The following CSMD3 variants were observed in gnomAD, a reference collection of about 807,000 sequenced individuals.
CSMD3 encodes the protein CUB and sushi domain-containing protein 3.
A neutral mutation model predicts 435.2 loss-of-function variants in CSMD3; 177 were observed. The ratio of observed to expected loss-of-function variants is 0.41; its 90% CI spans 0.36 to 0.46. CSMD3 has a LOEUF of 0.46. Ranked by LOEUF, CSMD3 falls within the 20% of genes least tolerant of loss-of-function variation. CSMD3 has a pLI of 0.34. For missense variants in CSMD3, 4,265 were observed against 4,504.6 expected (o/e 0.95, Z 1.52); for synonymous variants, 1,656 against 1,520.5 (o/e 1.09, Z -2.07).
chr8:113,057,075 C>G lies in CSMD3; in HGVS notation c.918-37896G>C, dbSNP rs369877406. Among the ~76,000 whole-genome samples the G allele has an allele frequency of 1.4e-4, 22 of 152,246 alleles. 1 individual carries two copies. The South Asian group carries it at 2.1e-3, about 14-fold the overall frequency. On this transcript the variant is annotated intron_variant, in intron 5 of 70. Transcript: ENST00000297405. ...CTTGGAATGCCTTTCCTCAAAATGG[C>G]TCTTTGGATAGCTAATTTTTCAGTT...
At chr8:113,340,618 T>C (rs189639503) in intron 1 of CSMD3, among the ~76,000 whole-genome samples, 28 of 152,266 alleles carry the variant, frequency 1.8e-4, no homozygotes, top group African/African-American at 6.5e-4. Flanking sequence ...TGCACACTTG[T>C]AATCCCAGCA....
In CSMD3 at chr8:112,636,876, T is replaced by C. The variant is rs781491893; in HGVS notation, c.3656A>G (p.Glu1219Gly). ...SSGYRLEGTSEIICLGGGRRV... is the reference protein window; with the variant it reads ...SSGYRLEGTSGIICLGGGRRV... ...TCGGCCACCACCAAGACAGATGATC[T>C]CTGATGTTCCTTCCAGTCGATAACC... Residue 1219 changes from glutamate (E) to glycine (G), a missense_variant, in exon 22 of 71, where the codon GAG (glutamate) becomes GGG (glycine). Around this residue, in one of 3 missense-constraint regions of CSMD3, gnomAD observed 3,255 missense variants for 3,380.2 expected, o/e 0.96. Coordinates refer to ENST00000297405, the MANE Select transcript of CSMD3 (RefSeq NM_198123.2). 41 of 1,613,184 alleles carry C rather than the reference T, an allele frequency of 2.5e-5. No homozygotes were observed. The highest frequency in any genetic ancestry group is 3.5e-5 in the Non-Finnish European group (41 of 1,179,744).
Position 112,472,679 on chromosome 8 carries a change from T to C in CSMD3, c.5307A>G (p.Ser1769=), listed in dbSNP as rs769547077. 19 of 1,610,488 alleles carry C rather than the reference T, an allele frequency of 1.2e-5. No individual in the cohort carries two copies. Among genetic ancestry groups the C allele is most frequent in the Non-Finnish European group, 1.4e-5 (17 of 1,176,908 alleles). Residue 1769 remains serine, a synonymous_variant, in exon 32 of 71, where the codon TCA becomes TCG. Coordinates refer to ENST00000297405, the MANE Select transcript of CSMD3 (RefSeq NM_198123.2). ...AGTTTGGTGATAGAACAGTGCCTTC[T>C]GAACCTGTTGAACGACTTCCACAGG... is the stretch of plus-strand genomic sequence containing the variant. ...HAPCGSRSTG[S]EGTVLSPNYP...
chr8:112,329,455 C>A (rs1823829175), intron 45 of CSMD3, among the ~76,000 whole-genome samples: 1 of 152,072 alleles, frequency 6.6e-6, no homozygotes, highest in Non-Finnish European at 1.5e-5. Context: ...ACTAAGATAT[C>A]CAATCATAAA....
At position 112,770,308 on chromosome 8, in the gene CSMD3, TG is replaced by T. The variant is rs1302274326; in HGVS notation, c.1972+29853del. Among the ~76,000 whole-genome samples, 8 of 151,978 alleles carry T rather than the reference TG, an allele frequency of 5.3e-5. No homozygotes were observed. The East Asian group carries it at 1.6e-3, about 30-fold the overall frequency. On this transcript the variant is annotated intron_variant, in intron 13 of 70. Transcript: ENST00000297405. ...TGCCTGTGTAAAAAAGCTCATGAAGTGGGCTCTTTTTCTTGACCCTTCCACC... is the reference window on the plus strand; with the variant it reads ...TGCCTGTGTAAAAAAGCTCATGAAGTGGCTCTTTTTCTTGACCCTTCCACC...
chr8:112,831,609 T>C (rs1259688529), intron 11 of CSMD3, among the ~76,000 whole-genome samples: 1 of 152,040 alleles, frequency 6.6e-6, no homozygotes, highest in Non-Finnish European at 1.5e-5. Context: ...CATATCTTTT[T>C]ATATGTTTAT....
intron 11 of CSMD3, among the ~76,000 whole-genome samples, chr8:112,836,783 G>A (rs559026394): frequency 6.6e-6 from 1 of 151,674 alleles, no homozygotes; most frequent in Non-Finnish European, 1.5e-5. Flanking sequence ...TAAGTCATTC[G>A]ATTTGAGGTT....
At chr8:112,598,954 C>A (rs1192977397) in intron 22 of CSMD3, among the ~76,000 whole-genome samples, 1 of 151,140 alleles carries the variant, frequency 6.6e-6, no homozygotes, top group African/African-American at 2.4e-5. Context: ...AGGACATAGG[C>A]ATGGGCAAGG....
chr8:112,409,700 G>A (rs1325760345), intron 32 of CSMD3, among the ~76,000 whole-genome samples: 1 of 151,900 alleles, frequency 6.6e-6, no homozygotes, highest in Non-Finnish European at 1.5e-5. Flanking sequence ...CAGTTCTGAA[G>A]TACATACCAA....
intron 3 of CSMD3, among the ~76,000 whole-genome samples, chr8:113,225,778 G>T (rs2093020676): frequency 6.6e-6 from 1 of 151,442 alleles, no homozygotes; most frequent in African/African-American, 2.4e-5. Context: ...AGTCTCCAGA[G>T]AATTTCTTTC....
At chr8:112,456,236 C>T (rs1018035391) in intron 32 of CSMD3, among the ~76,000 whole-genome samples, 3 of 151,978 alleles carry the variant, frequency 2.0e-5, no homozygotes, top group African/African-American at 7.3e-5. Flanking sequence ...GAATGTGGAC[C>T]TTATTTTTCA....
intron 3 of CSMD3, among the ~76,000 whole-genome samples, chr8:113,242,380 T>A (rs941554482): frequency 2.0e-5 from 3 of 151,994 alleles, no homozygotes; most frequent in Admixed American, 2.0e-4. Context: ...TATTGCAACC[T>A]AATAGGTCAA....
chr8:112,575,846 A>G (rs1829897946), intron 23 of CSMD3, among the ~76,000 whole-genome samples: 3 of 152,126 alleles, frequency 2.0e-5, no homozygotes, highest in Admixed American at 2.0e-4. Context: ...ATGCTTCTGA[A>G]TACATTCATT....
chr8:112,964,004 G>T (rs899571251), intron 7 of CSMD3, among the ~76,000 whole-genome samples: 5 of 151,526 alleles, frequency 3.3e-5, no homozygotes, highest in Non-Finnish European at 7.4e-5. Flanking sequence ...TTTTCTTCTT[G>T]CAAATGATCC....
chr8:112,923,082 G>A (rs933987476), intron 9 of CSMD3, among the ~76,000 whole-genome samples: 1 of 152,036 alleles, frequency 6.6e-6, no homozygotes, highest in Non-Finnish European at 1.5e-5. Context: ...TAGAAATCCA[G>A]AATCTAACAT....
At chr8:113,199,362 T>C (rs2092693520) in intron 3 of CSMD3, among the ~76,000 whole-genome samples, 1 of 151,718 alleles carries the variant, frequency 6.6e-6, no homozygotes, top group African/African-American at 2.4e-5. Flanking sequence ...ACAGCCTTTA[T>C]TCATCATTGA....
At chr8:113,369,304 T>C (rs1280206361) in intron 1 of CSMD3, among the ~76,000 whole-genome samples, 1 of 152,000 alleles carries the variant, frequency 6.6e-6, no homozygotes, top group Non-Finnish European at 1.5e-5. Flanking sequence ...TATATTTATC[T>C]TGAATCTGTT....
In CSMD3 at chr8:112,747,595, A is replaced by G. The variant is rs76710322; in HGVS notation, c.1972+52567T>C. ...CTTAGTTCTGAACAGAAGTTCACAA[A>G]TATTTTCTGTAAATTGTCAGAGTAA... On this transcript the variant is annotated intron_variant, in intron 13 of 70. Transcript: ENST00000297405. 3.6e-3 allele frequency among the ~76,000 whole-genome samples: 554 copies of G among 152,236 alleles called. 8 individuals carry two copies. The highest frequency in any genetic ancestry group is 0.013 in the African/African-American group (530 of 41,544).
At chr8:113,412,119 C>T (rs1371518755) in intron 1 of CSMD3, among the ~76,000 whole-genome samples, 1 of 152,126 alleles carries the variant, frequency 6.6e-6, no homozygotes, top group African/African-American at 2.4e-5. Flanking sequence ...GATGTTATTA[C>T]AGCTTTATAC....
Sources: allele counts gnomAD v4.1 joint callset (sites outside exome capture counted in the v4.1 genomes callset), GRCh38; gene constraint gnomAD v4.1.1; regional missense constraint gnomAD v4.1.1; transcripts MANE v1.5; gene names NCBI Gene and HGNC (gene_info 2026-07-23, HGNC 2026-07-21).